MYRIP: variants seen among roughly 807,000 people sequenced by gnomAD.
MYRIP encodes the protein rab effector MyRIP.
A neutral mutation model predicts 98.0 loss-of-function variants in MYRIP; 49 were observed. That is an observed-to-expected ratio of 0.50 (90% CI 0.40 to 0.63). The LOEUF (loss-of-function observed/expected upper bound fraction) is 0.63, where lower values mean the gene tolerates loss of function less well. Ranked by LOEUF, MYRIP falls within the 30% of genes least tolerant of loss-of-function variation. The pLI is 0.00. For missense variants in MYRIP, 1,004 were observed against 1,058.2 expected (o/e 0.95, Z 0.71); for synonymous variants, 404 against 409.5 (o/e 0.99, Z 0.16).
In MYRIP at chr3:40,155,378, A is replaced by C. The variant is rs1441493619; in HGVS notation, c.469+4194A>C. Among the ~76,000 whole-genome samples the C allele has an allele frequency of 2.0e-5, 3 of 151,034 alleles. No homozygotes were observed. The East Asian group carries it at 5.8e-4, about 29-fold the overall frequency. ...GGTGTATATGTGCCACATTTTCTTA[A>C]TCCAGTCTATCATTGTTGGACATTT... On this transcript the variant is annotated intron_variant, in intron 4 of 16. Transcript: ENST00000302541.
intron 2 of MYRIP, among the ~76,000 whole-genome samples, chr3:39,951,088 CAAG>C (rs1945002622): frequency 6.6e-6 from 1 of 152,134 alleles, no homozygotes; most frequent in African/African-American, 2.4e-5. Flanking sequence ...GACAGAACAA[CAAG>C]AAGTTTTGTC....
Position 40,209,909 on chromosome 3 carries a change from C to A in MYRIP, c.1721C>A (p.Thr574Asn). The change falls in exon 11 of 17, where the codon ACT becomes AAT. Residue 574 changes from threonine (T) to asparagine (N), a missense_variant. By Grantham distance (65) the Thr-to-Asn change is moderately conservative. Transcript: ENST00000302541. ...AGCAATGAGGCTCGGGATCCCCAGACTCTCACAGACACCACAGAGGAGAAA... is the reference window on the plus strand; with the variant it reads ...AGCAATGAGGCTCGGGATCCCCAGAATCTCACAGACACCACAGAGGAGAAA... ...DISNEARDPQ[T>N]LTDTTEEKRR... The A allele has an allele frequency of 6.2e-7, 1 of 1,613,984 alleles. No individual in the cohort carries two copies. Among genetic ancestry groups the A allele is most frequent in the Non-Finnish European group, 8.5e-7 (1 of 1,179,912 alleles).
chr3:40,069,395 CT>C (rs35427857), intron 3 of MYRIP, among the ~76,000 whole-genome samples: 38,286 of 143,790 alleles, frequency 0.27, 4,815 homozygotes, highest in South Asian at 0.36. Context: ...TCGCAAGATA[CT>C]TTTTTTTTTT....
chr3:40,114,630 G>A (rs1949234827), intron 3 of MYRIP, among the ~76,000 whole-genome samples: 2 of 152,222 alleles, frequency 1.3e-5, no homozygotes, highest in Admixed American at 1.3e-4. Flanking sequence ...GCAAAGTTCA[G>A]AGACAAGGAA....
intron 1 of MYRIP, among the ~76,000 whole-genome samples, chr3:39,879,695 G>T (rs1232767810): frequency 6.6e-6 from 1 of 152,078 alleles, no homozygotes; most frequent in African/African-American, 2.4e-5. Flanking sequence ...CCTCTAACTT[G>T]TTGGCCTTCA....
At chr3:40,207,928 G>A (rs543392290) in intron 10 of MYRIP, among the ~76,000 whole-genome samples, 1 of 152,146 alleles carries the variant, frequency 6.6e-6, no homozygotes, top group African/African-American at 2.4e-5. Context: ...GTCATCTAGT[G>A]ATTGTGAAAT....
At chr3:39,996,892 C>T (rs566608918) in intron 2 of MYRIP, among the ~76,000 whole-genome samples, 8 of 152,306 alleles carry the variant, frequency 5.3e-5, no homozygotes, top group Non-Finnish European at 1.2e-4. Flanking sequence ...CTCAAAACTG[C>T]TCAACTACAT....
chr3:40,033,197 A>G (rs1337906143), intron 2 of MYRIP, among the ~76,000 whole-genome samples: 4 of 145,168 alleles, frequency 2.8e-5, no homozygotes, highest in East Asian at 3.9e-4. Context: ...CCTATTCAAC[A>G]TAGTGTTGGA....
chr3:39,982,350 T>A (rs73827309), intron 2 of MYRIP, among the ~76,000 whole-genome samples: 226 of 152,276 alleles, frequency 1.5e-3, no homozygotes, highest in African/African-American at 5.1e-3. Context: ...GTATGTACGA[T>A]GAGAAATTGG....
At chr3:39,864,191 TCATAC>T (rs1942554591) in intron 1 of MYRIP, among the ~76,000 whole-genome samples, 1 of 152,086 alleles carries the variant, frequency 6.6e-6, no homozygotes, top group Non-Finnish European at 1.5e-5. Context: ...ACAGCCAATA[TCATAC>T]TTAATGGGCA....
At chr3:40,024,175 A>G (rs1191784391) in intron 2 of MYRIP, among the ~76,000 whole-genome samples, 2 of 152,130 alleles carry the variant, frequency 1.3e-5, no homozygotes, top group African/African-American at 4.8e-5. Context: ...CATCCCTCAC[A>G]TCTCCACTTT....
chr3:39,955,957 C>G (rs1444220916), intron 2 of MYRIP, among the ~76,000 whole-genome samples: 1 of 152,148 alleles, frequency 6.6e-6, no homozygotes, highest in Non-Finnish European at 1.5e-5. Context: ...GTAAAGAGAT[C>G]AATTCCACAA....
chr3:40,078,041 A>T (rs1948389368), intron 3 of MYRIP, among the ~76,000 whole-genome samples: 1 of 152,228 alleles, frequency 6.6e-6, no homozygotes, highest in South Asian at 2.1e-4. Flanking sequence ...AGGCTCAGGC[A>T]TGGCGGGCTG....
At chr3:40,118,777 G>A (rs149590380) in intron 3 of MYRIP, among the ~76,000 whole-genome samples, 2,621 of 151,598 alleles carry the variant, frequency 0.017, 27 homozygotes, top group Middle Eastern at 0.048. Context: ...AACAGGCCCT[G>A]GGGTGTGATG....
chr3:40,050,444 T>A (rs1055877431), intron 3 of MYRIP, among the ~76,000 whole-genome samples: 1 of 151,918 alleles, frequency 6.6e-6, no homozygotes, highest in African/African-American at 2.4e-5. Flanking sequence ...TAAGCCCACT[T>A]TTGAGACCTA....
intron 2 of MYRIP, among the ~76,000 whole-genome samples, chr3:39,985,252 G>A (rs1250802585): frequency 2.1e-5 from 3 of 145,648 alleles, no homozygotes; most frequent in South Asian, 2.3e-4. Context: ...ACTTACAAGG[G>A]ACGTGAAGGA....
rs1559443444 is a variant in MYRIP at position 40,190,309 on chromosome 3, G to T, written c.1511G>T (p.Ser504Ile). The T allele has an allele frequency of 6.2e-7, 1 of 1,614,096 alleles. No individual in the cohort carries two copies. Residue 504 changes from serine (S) to isoleucine (I), a missense_variant, in exon 10 of 17, where the codon AGC becomes ATC. Physicochemically the swap from Ser to Ile is moderately radical, Grantham distance 142 (BLOSUM62 -2). Around this residue, in one of 3 missense-constraint regions of MYRIP, gnomAD observed 880 missense variants for 907.7 expected, o/e 0.97. Transcript: ENST00000302541. ...GTGAACTTCAACCCCCAGTTGGCCA[G>T]CAGGGAGACCTCGGACAGCAGCGAG... is the stretch of plus-strand genomic sequence containing the variant. ...LDVNFNPQLA[S>I]RETSDSSEPE...
At chr3:39,925,675 G>T (rs1184344456) in intron 2 of MYRIP, among the ~76,000 whole-genome samples, 1 of 152,032 alleles carries the variant, frequency 6.6e-6, no homozygotes, top group African/African-American at 2.4e-5. Context: ...TCTTTTTAAT[G>T]GCTGTGTAGT....
intron 2 of MYRIP, among the ~76,000 whole-genome samples, chr3:39,996,513 G>T (rs960775875): frequency 6.6e-6 from 1 of 152,066 alleles, no homozygotes; most frequent in Non-Finnish European, 1.5e-5. Context: ...CCCAATACAG[G>T]AGCACCCAGA....
Sources: gnomAD v4.1 joint callset for allele counts (sites outside exome capture counted in the v4.1 genomes callset) on GRCh38, gnomAD v4.1.1 for gene constraint, gnomAD v4.1.1 regional missense constraint, MANE v1.5 for transcripts, NCBI Gene and HGNC (gene_info 2026-07-23, HGNC 2026-07-21) for gene names.